Variants in CNNM1 observed in about 807,000 individuals in gnomAD.
CNNM1 encodes metal transporter CNNM1.
Under a neutral mutation model 78.8 loss-of-function variants are expected in CNNM1, and 44 were observed. That is an observed-to-expected ratio of 0.56 (90% confidence interval 0.44 to 0.72). CNNM1 has a LOEUF of 0.72. CNNM1 is among the 30% of genes least tolerant of loss of function. The pLI, the probability that CNNM1 is intolerant of heterozygous loss-of-function variation, is 0.00. For missense variants in CNNM1, 1,101 were observed against 1,292.2 expected (o/e 0.85, Z 2.27); for synonymous variants, 584 against 581.5 (o/e 1.00, Z -0.06).
intron 7 of CNNM1, among the ~76,000 whole-genome samples, chr10:99,379,324 G>A (rs866773108): frequency 4.6e-5 from 7 of 152,186 alleles, no homozygotes; most frequent in Non-Finnish European, 8.8e-5. Flanking sequence ...ATTTCGGGTC[G>A]TAATAATAAG....
chr10:99,376,971 C>G, intron 6 of CNNM1, 84 bp from the exon 7 acceptor site: 8 of 1,262,862 alleles, frequency 6.3e-6, no homozygotes, highest in Non-Finnish European at 8.9e-6. Context: ...ACCTGTCTCT[C>G]CCTCCTTCCC....
chr10:99,392,353 C>CA lies in CNNM1; in HGVS notation c.*843dup, dbSNP rs1428741212. 1.3e-5 allele frequency: 2 copies of CA among 152,420 alleles called. No individual in the cohort carries two copies. Among genetic ancestry groups the CA allele is most frequent in the Non-Finnish European group, 2.9e-5 (2 of 67,984 alleles). 9.4% of individuals were successfully genotyped at this position (152,420 alleles called of 1,614,324 possible). Reference sequence around the variant, plus strand: ...TTCAGGTCTTAAGTGCAAATCAAAGCAAAAAACAAACAAAACTTACATGGA... The same window carrying CA: ...TTCAGGTCTTAAGTGCAAATCAAAGCAAAAAAACAAACAAAACTTACATGGA... On this transcript the variant is annotated 3_prime_UTR_variant, in exon 11 of 11. Coordinates refer to ENST00000356713, the MANE Select transcript of CNNM1 (RefSeq NM_020348.3).
chr10:99,388,309 A>T lies in CNNM1; in HGVS notation c.2674+8A>T, dbSNP rs755073044. ...CCGTTCCCACGAGAGCAGGTCAGGG[A>T]GGCCAGCTGGGCCCAGTGCAGCAAG... is the stretch of plus-strand genomic sequence containing the variant. On this transcript the variant is annotated splice_region_variant and intron_variant, in intron 9 of 10. Transcript: ENST00000356713. 32 of 1,612,288 alleles carry T rather than the reference A, an allele frequency of 2.0e-5. No homozygotes were observed. In the South Asian group the frequency reaches 3.4e-4, roughly 17 times the overall value.
chr10:99,348,085 C>T (rs2134029154), intron 1 of CNNM1, among the ~76,000 whole-genome samples: 1 of 151,338 alleles, frequency 6.6e-6, no homozygotes, highest in Middle Eastern at 3.4e-3. Context: ...CACTGTCACC[C>T]AGGCTGGTGT....
At chr10:99,342,840 C>T (rs894510458) in intron 1 of CNNM1, among the ~76,000 whole-genome samples, 1 of 152,046 alleles carries the variant, frequency 6.6e-6, no homozygotes, top group African/African-American at 2.4e-5. Context: ...TATATCATTG[C>T]AAAGAAGTAT....
chr10:99,341,823 A>G (rs975680683), intron 1 of CNNM1, among the ~76,000 whole-genome samples: 2 of 152,214 alleles, frequency 1.3e-5, no homozygotes, highest in Non-Finnish European at 2.9e-5. Flanking sequence ...CTAAAACTGT[A>G]TATTTTAACC....
rs756616766 is a variant in CNNM1, at chr10:99,329,746, C to G, written c.359C>G (p.Pro120Arg). The G allele has an allele frequency of 1.6e-5, 24 of 1,502,700 alleles. No individual in the cohort carries two copies. Among genetic ancestry groups the G allele is most frequent in the Non-Finnish European group, 2.1e-5 (24 of 1,135,232 alleles). The allele number at this position is 1,502,700 out of a possible 1,614,324, so 93.1% of individuals were successfully genotyped here. A position where few individuals can be genotyped will look rare whatever the true frequency, so the allele number is the denominator to read the frequency against. The stretch of plus-strand genomic sequence containing the variant: ...CCCCCGGGCGGTGGCGGCGTGGCCC[C>G]CAGCGCGGTCCCCACTCGCCCCCCG... ...EEPPGGGGVA[P>R]SAVPTRPPGP... Residue 120 changes from proline (P) to arginine (R), a missense_variant, in exon 1 of 11, where the codon CCC (proline) becomes CGC (arginine). Physicochemically the swap from Pro to Arg is moderately radical, Grantham distance 103. This residue lies in a region of CNNM1 where 476 missense variants were observed against 484.5 expected (regional missense o/e 0.98). Coordinates refer to ENST00000356713, the MANE Select transcript of CNNM1 (RefSeq NM_020348.3).
chr10:99,366,475 TAAA>T (rs879340914), intron 6 of CNNM1, among the ~76,000 whole-genome samples: 1 of 138,008 alleles, frequency 7.2e-6, no homozygotes, highest in Admixed American at 7.3e-5. Flanking sequence ...CCTTCTTTCT[TAAA>T]AAAAAAAAAA....
At chr10:99,335,687 T>C (rs982802655) in intron 1 of CNNM1, among the ~76,000 whole-genome samples, 1 of 152,188 alleles carries the variant, frequency 6.6e-6, no homozygotes, top group Non-Finnish European at 1.5e-5. Flanking sequence ...ATCCTATTAA[T>C]CATTGTCGTC....
intron 1 of CNNM1, among the ~76,000 whole-genome samples, chr10:99,337,636 A>G (rs2030249198): frequency 2.0e-5 from 3 of 152,234 alleles, no homozygotes; most frequent in African/African-American, 7.2e-5. Context: ...TATCTCAATC[A>G]TTGAACTAAC....
chr10:99,390,928 C>G (rs1362971256), intron 10 of CNNM1, among the ~76,000 whole-genome samples: 1 of 152,244 alleles, frequency 6.6e-6, no homozygotes, highest in South Asian at 2.1e-4. Flanking sequence ...ACAGATTGCT[C>G]TCTCATCCTT....
intron 1 of CNNM1, among the ~76,000 whole-genome samples, chr10:99,350,522 C>G (rs2030903660): frequency 6.6e-6 from 1 of 152,144 alleles, no homozygotes; most frequent in Non-Finnish European, 1.5e-5. Flanking sequence ...TGTGCCTAAA[C>G]CATGTAGAAT....
intron 1 of CNNM1, among the ~76,000 whole-genome samples, chr10:99,349,809 G>C (rs747272740): frequency 6.6e-6 from 1 of 152,184 alleles, no homozygotes; most frequent in Non-Finnish European, 1.5e-5. Flanking sequence ...GACCATCCTG[G>C]CTAACACGGT....
chr10:99,350,008 C>CA (rs1227764284), intron 1 of CNNM1, among the ~76,000 whole-genome samples: 4 of 151,900 alleles, frequency 2.6e-5, no homozygotes, highest in Admixed American at 6.6e-5. Flanking sequence ...CAAAACAAAA[C>CA]AAAAAAACAC....
chr10:99,330,337 G>A lies in CNNM1; in HGVS notation c.950G>A (p.Ser317Asn), dbSNP rs370414041. Reference protein sequence around the residue: ...PGFGGTGEDYSEEGIHFPWLP... With the variant: ...PGFGGTGEDYNEEGIHFPWLP... ...TTCGGGGGCACCGGGGAAGACTACA[G>A]CGAAGAGGGGATCCACTTCCCGTGG... The change falls in exon 1 of 11, where the codon AGC becomes AAC. Residue 317 changes from serine (S) to asparagine (N), a missense_variant. Coordinates refer to ENST00000356713, the MANE Select transcript of CNNM1 (RefSeq NM_020348.3). The A allele has an allele frequency of 5.7e-5, 92 of 1,600,846 alleles. No individual in the cohort carries two copies. Among genetic ancestry groups the A allele is most frequent in the Non-Finnish European group, 7.7e-5 (90 of 1,174,824 alleles).
At chr10:99,377,367 C>T in intron 7 of CNNM1, 149 bp downstream of exon 7, 1 of 713,506 alleles carries the variant, frequency 1.4e-6, no homozygotes, top group South Asian at 2.0e-5. Context: ...CTGCTACTGG[C>T]TGTATAAAGG....
At chr10:99,391,011 G>C (rs1333701295) in intron 10 of CNNM1, among the ~76,000 whole-genome samples, 2 of 152,238 alleles carry the variant, frequency 1.3e-5, no homozygotes, top group Admixed American at 6.5e-5. Context: ...GAGAACGCAG[G>C]TCCCTGGAAA....
intron 1 of CNNM1, among the ~76,000 whole-genome samples, chr10:99,351,126 T>A (rs1284084662): frequency 6.6e-6 from 1 of 152,232 alleles, no homozygotes; most frequent in Non-Finnish European, 1.5e-5. Context: ...ACACCTTAGG[T>A]AGAACACTGC....
chr10:99,374,042 A>C (rs1564956042), intron 6 of CNNM1, among the ~76,000 whole-genome samples: 2 of 152,232 alleles, frequency 1.3e-5, no homozygotes, highest in African/African-American at 2.4e-5. Flanking sequence ...ATACACGTAC[A>C]GGTATCTTTT....
Sources: allele counts gnomAD v4.1 joint callset (sites outside exome capture counted in the v4.1 genomes callset), GRCh38; gene constraint gnomAD v4.1.1; regional missense constraint gnomAD v4.1.1; transcripts MANE v1.5; gene names NCBI Gene and HGNC (gene_info 2026-07-23, HGNC 2026-07-21).